The following YEATS4 variants were observed in gnomAD, a reference collection of about 807,000 sequenced individuals.
YEATS4 encodes YEATS domain-containing protein 4.
A neutral mutation model predicts 30.1 loss-of-function variants in YEATS4; 17 were observed. The ratio of observed to expected loss-of-function variants is 0.56; its 90% CI spans 0.39 to 0.85. The LOEUF (loss-of-function observed/expected upper bound fraction) is 0.85. YEATS4 is among the 40% of genes least tolerant of loss of function. The pLI, the probability that YEATS4 is intolerant of heterozygous loss-of-function variation, is 0.00. For missense variants in YEATS4, 142 were observed against 268.3 expected (o/e 0.53, Z 3.29); for synonymous variants, 85 against 87.5 (o/e 0.97, Z 0.16).
At chr12:69,390,010 G>A (rs1448994788) in intron 6 of YEATS4, 137 bp from the exon 7 acceptor site, 5 of 657,580 alleles carry the variant, frequency 7.6e-6, no homozygotes, top group African/African-American at 1.9e-5. Flanking sequence ...CTGCACCCAT[G>A]TTTAATGTTG....
chr12:69,393,592 A>G (rs576406699), downstream of YEATS4, among the ~76,000 whole-genome samples: 37 of 152,126 alleles, frequency 2.4e-4, no homozygotes, highest in African/African-American at 8.2e-4. Context: ...AAAAAGGTAA[A>G]TATTATTTTC....
chr12:69,364,921 A>G (rs1245914098), intron 2 of YEATS4, among the ~76,000 whole-genome samples: 1 of 152,118 alleles, frequency 6.6e-6, no homozygotes, highest in Non-Finnish European at 1.5e-5. Flanking sequence ...TGCCCGGCGT[A>G]TGTGATATAA....
intron 6 of YEATS4, among the ~76,000 whole-genome samples, chr12:69,386,593 A>G (rs1486555226): frequency 2.0e-5 from 3 of 152,006 alleles, no homozygotes; most frequent in African/African-American, 7.3e-5. Flanking sequence ...CTGCCTCTGT[A>G]CCCCAGCATC....
chr12:69,374,128 A>G (rs183701458), intron 6 of YEATS4, among the ~76,000 whole-genome samples: 194 of 133,596 alleles, frequency 1.5e-3, no homozygotes, highest in Admixed American at 3.6e-3. Context: ...TCCACATAAA[A>G]TTTTAGGTTT....
intron 4 of YEATS4, among the ~76,000 whole-genome samples, chr12:69,370,050 AAAT>A (rs149067294): frequency 0.013 from 1,990 of 152,252 alleles, 53 homozygotes; most frequent in African/African-American, 0.046. Flanking sequence ...ACTTTTTAGA[AAAT>A]TATTTGGGGT....
chr12:69,420,351 G>C, the YEATS4 span, among the ~76,000 whole-genome samples: 6 of 152,028 alleles, frequency 3.9e-5, no homozygotes, highest in African/African-American at 1.4e-4. Context: ...CAAAGGAAAG[G>C]GTTACTGTGA....
chr12:69,359,873 C>A lies in YEATS4; in HGVS notation c.-100C>A. ...CCCTCCTTCGGCTAGAAACCCTCCG[C>A]CTGGGCCCGCGCGACAGGAGCGCGG... On this transcript the variant is annotated 5_prime_UTR_variant, in exon 1 of 7. Transcript: ENST00000247843. The A allele has an allele frequency of 1.3e-6, 2 of 1,482,900 alleles. No individual in the cohort carries two copies. The highest frequency in any genetic ancestry group is 3.7e-5 in the Admixed American group (2 of 54,150). The allele number at this position is 1,482,900 out of a possible 1,614,324, so 91.9% of individuals were successfully genotyped here. A position where few individuals can be genotyped will look rare whatever the true frequency, so the allele number is the denominator to read the frequency against.
At chr12:69,400,317 C>T in the YEATS4 span, among the ~76,000 whole-genome samples, 6 of 151,976 alleles carry the variant, frequency 3.9e-5, no homozygotes, top group Non-Finnish European at 5.9e-5. Flanking sequence ...ATTCACTTAG[C>T]CACCAAGCTG....
intron 6 of YEATS4, among the ~76,000 whole-genome samples, chr12:69,377,722 A>T (rs113930080): frequency 2.2e-4 from 30 of 135,240 alleles, no homozygotes; most frequent in African/African-American, 7.0e-4. Context: ...TTGCTTTTTT[A>T]AAAAAAAATG....
intron 4 of YEATS4, among the ~76,000 whole-genome samples, chr12:69,368,399 C>T (rs1276123256): frequency 1.3e-5 from 2 of 152,164 alleles, no homozygotes; most frequent in Non-Finnish European, 2.9e-5. Flanking sequence ...TCAAACACCA[C>T]TCAAAATTAC....
At chr12:69,365,453 GAA>G (rs201603040) in intron 2 of YEATS4, among the ~76,000 whole-genome samples, 178 bp from the exon 3 acceptor site, 10 of 105,698 alleles carry the variant, frequency 9.5e-5, no homozygotes, top group Admixed American at 9.9e-5. Flanking sequence ...TCCATCTCAG[GAA>G]AAAAAAAAAA....
the YEATS4 span, among the ~76,000 whole-genome samples, chr12:69,414,994 A>T: frequency 1.7e-3 from 262 of 152,332 alleles, no homozygotes; most frequent in Admixed American, 0.015. Flanking sequence ...AATCTGAGAA[A>T]TGCTACCTAA....
intron 6 of YEATS4, among the ~76,000 whole-genome samples, chr12:69,385,462 C>T (rs1195431485): frequency 6.6e-6 from 1 of 152,104 alleles, no homozygotes; most frequent in Non-Finnish European, 1.5e-5. Context: ...TTATTCAGTG[C>T]TTACTATTTG....
chr12:69,359,795 C>G lies in YEATS4; in HGVS notation c.-178C>G, dbSNP rs1364988837. On this transcript the variant is annotated 5_prime_UTR_variant, in exon 1 of 7. Transcript: ENST00000247843. ...CGGGCCTGAATGGCCTTCAGGAGCA[C>G]AGTCGGCCTGAGGAGTTGACGGTTA... 8.8e-6 allele frequency: 6 copies of G among 680,912 alleles called. No homozygotes were observed. The highest frequency in any genetic ancestry group is 1.4e-5 in the Non-Finnish European group (6 of 415,516). The allele number at this position is 680,912 out of a possible 1,614,324, so 42.2% of individuals were successfully genotyped here.
chr12:69,387,544 A>G (rs1231903511), intron 6 of YEATS4, among the ~76,000 whole-genome samples: 1 of 152,230 alleles, frequency 6.6e-6, no homozygotes, highest in Non-Finnish European at 1.5e-5. Context: ...GTACATCAAT[A>G]GGGGGCAGAC....
At chr12:69,372,474 C>G (rs1266346992) in intron 6 of YEATS4, among the ~76,000 whole-genome samples, 2 of 140,302 alleles carry the variant, frequency 1.4e-5, no homozygotes, top group Admixed American at 1.5e-4. Context: ...CTTTACCCAC[C>G]TACCCACTAC....
At position 69,370,989 on chromosome 12, in the gene YEATS4, A is replaced by G; in HGVS notation, c.514+14A>G. On this transcript the variant is annotated intron_variant, in intron 6 of 6. Transcript: ENST00000247843. Reference sequence around the variant, plus strand: ...ATGAAACAGAATGTAAGTGCCATGCATTCATAATTCTGAAAAATAACGTAT... The same window carrying G: ...ATGAAACAGAATGTAAGTGCCATGCGTTCATAATTCTGAAAAATAACGTAT... 2 of 1,598,394 alleles carry G rather than the reference A, an allele frequency of 1.3e-6. No homozygotes were observed. The highest frequency in any genetic ancestry group is 1.7e-6 in the Non-Finnish European group (2 of 1,173,370).
the YEATS4 span, among the ~76,000 whole-genome samples, chr12:69,424,242 C>T: frequency 5.3e-5 from 8 of 152,054 alleles, no homozygotes; most frequent in Admixed American, 1.3e-4. Context: ...TGTTAATTGC[C>T]ACAATGCCTT....
At chr12:69,365,260 G>A (rs1360765938) in intron 2 of YEATS4, among the ~76,000 whole-genome samples, 1 of 151,840 alleles carries the variant, frequency 6.6e-6, no homozygotes, top group Non-Finnish European at 1.5e-5. Context: ...GACCAGCCTG[G>A]CCAACATGGT....
Sources: allele counts gnomAD v4.1 joint callset (sites outside exome capture counted in the v4.1 genomes callset), GRCh38; gene constraint gnomAD v4.1.1; transcripts MANE v1.5; gene names NCBI Gene and HGNC (gene_info 2026-07-23, HGNC 2026-07-21).